Variants in ADAM12 observed in about 807,000 individuals in gnomAD.
ADAM12 encodes the protein ADAM metallopeptidase domain 12, also known as disintegrin and metalloproteinase domain-containing protein 12.
In ADAM12, 70 loss-of-function variants were observed where a neutral mutation model predicts 106.4. The ratio of observed to expected loss-of-function variants is 0.66; its 90% CI spans 0.54 to 0.80. The LOEUF (loss-of-function observed/expected upper bound fraction) is 0.80, where lower values mean the gene tolerates loss of function less well. Ranked by LOEUF, ADAM12 falls within the 30% of genes least tolerant of loss-of-function variation. The pLI, the probability that ADAM12 is intolerant of heterozygous loss-of-function variation, is 0.00. For synonymous variants in ADAM12, 420 were observed against 433.5 expected, an observed-to-expected ratio of 0.97 and a Z score of 0.39; for missense variants, 1,010 against 1,171.9, an observed-to-expected ratio of 0.86 and a Z score of 2.02.
Position 126,043,008 on chromosome 10 carries a change from T to G in ADAM12, c.2104+32A>C. ...CCCACCCGCCCCCAGGTGCTCAGCCTCCTCCCACCGGGATGCAGGGGCTTC... is the reference window on the plus strand; with the variant it reads ...CCCACCCGCCCCCAGGTGCTCAGCCGCCTCCCACCGGGATGCAGGGGCTTC... On this transcript the variant is annotated intron_variant, in intron 18 of 22. Transcript: ENST00000448723. This position sits in a 1 kb window ranked among gnomAD's most constrained non-coding sequence, Gnocchi z 4.1. The G allele has an allele frequency of 6.2e-7, 1 of 1,605,108 alleles. No individual in the cohort carries two copies. Among genetic ancestry groups the G allele is most frequent in the Non-Finnish European group, 8.5e-7 (1 of 1,174,596 alleles).
intron 10 of ADAM12, among the ~76,000 whole-genome samples, chr10:126,095,571 A>G (rs1282337752): frequency 6.7e-6 from 1 of 148,326 alleles, no homozygotes; most frequent in African/African-American, 2.5e-5. Context: ...TGATTGGGTC[A>G]TGGGGACTCT....
At chr10:126,365,338 A>G (rs956217190) in intron 1 of ADAM12, among the ~76,000 whole-genome samples, 3 of 152,222 alleles carry the variant, frequency 2.0e-5, no homozygotes, top group African/African-American at 7.2e-5. Flanking sequence ...AGAATATTTT[A>G]ACCTAGAAAA....
intron 12 of ADAM12, 48 bp downstream of exon 12, chr10:126,071,429 C>A (rs1590368971): frequency 1.3e-6 from 2 of 1,587,510 alleles, no homozygotes; most frequent in East Asian, 2.2e-5. Flanking sequence ...CTTTGCCTAG[C>A]CGAGGATACA....
At chr10:126,045,884 A>G (rs1954303908) in intron 17 of ADAM12, among the ~76,000 whole-genome samples, 171 bp downstream of exon 17, 1 of 152,258 alleles carries the variant, frequency 6.6e-6, no homozygotes, top group East Asian at 1.9e-4. Flanking sequence ...TTGTTAAATA[A>G]AAGTCACATG....
intron 11 of ADAM12, among the ~76,000 whole-genome samples, chr10:126,076,410 T>A (rs7894310): frequency 6.6e-6 from 1 of 152,234 alleles, no homozygotes; most frequent in South Asian, 2.1e-4. Context: ...TAGAATGAGT[T>A]ATTTTCTTTT....
chr10:126,349,575 T>C (rs1855276260), intron 1 of ADAM12, among the ~76,000 whole-genome samples: 1 of 152,196 alleles, frequency 6.6e-6, no homozygotes, highest in Non-Finnish European at 1.5e-5. Context: ...GCAGTTGTTA[T>C]AAAATAAGAG....
chr10:126,283,041 T>A (rs1959663097), intron 2 of ADAM12, among the ~76,000 whole-genome samples: 1 of 144,560 alleles, frequency 6.9e-6, no homozygotes, highest in African/African-American at 2.6e-5. Flanking sequence ...CATATGGGGG[T>A]GATGGAAGAC....
intron 3 of ADAM12, among the ~76,000 whole-genome samples, chr10:126,275,932 A>G (rs1224576412): frequency 6.6e-6 from 1 of 152,230 alleles, no homozygotes. Context: ...CATGTGTATA[A>G]TTTTAAAATA....
chr10:126,187,171 C>T (rs1957413859), intron 3 of ADAM12, among the ~76,000 whole-genome samples: 1 of 152,136 alleles, frequency 6.6e-6, no homozygotes, highest in Non-Finnish European at 1.5e-5. Flanking sequence ...GGAATTACTA[C>T]ATCAGTAAAA....
chr10:126,321,908 G>GC (rs1554866261), intron 2 of ADAM12, among the ~76,000 whole-genome samples: 5 of 143,644 alleles, frequency 3.5e-5, no homozygotes, highest in African/African-American at 7.5e-5. Context: ...TGGGGGTCGG[G>GC]GGGGGGGCTT....
intron 11 of ADAM12, among the ~76,000 whole-genome samples, chr10:126,082,702 G>T (rs1204147806): frequency 6.6e-6 from 1 of 152,106 alleles, no homozygotes; most frequent in African/African-American, 2.4e-5. Context: ...TAACTAGCTT[G>T]CTGAGCTTTT....
intron 3 of ADAM12, among the ~76,000 whole-genome samples, chr10:126,160,175 T>C (rs902002374): frequency 6.6e-6 from 1 of 152,178 alleles, no homozygotes; most frequent in African/African-American, 2.4e-5. Context: ...CAAAAATTCA[T>C]GCTCAGCATA....
At chr10:126,271,592 C>T (rs1326654180) in intron 3 of ADAM12, among the ~76,000 whole-genome samples, 4 of 152,166 alleles carry the variant, frequency 2.6e-5, no homozygotes, top group Admixed American at 6.5e-5. Flanking sequence ...TGGTGAAACC[C>T]GGTCTCTACA....
At chr10:126,148,754 C>T (rs1956675134) in intron 4 of ADAM12, among the ~76,000 whole-genome samples, 1 of 152,122 alleles carries the variant, frequency 6.6e-6, no homozygotes, top group Non-Finnish European at 1.5e-5. Flanking sequence ...AAAAAAGAGG[C>T]TTCTGGTATA....
rs566993771 is a variant in ADAM12, at chr10:126,071,464, G to A, written c.1323+13C>T. On this transcript the variant is annotated intron_variant, in intron 12 of 22. Coordinates refer to ENST00000448723, the MANE Select transcript of ADAM12 (RefSeq NM_001288973.2). ...AAGTCTTCTTGTATCCTTGTTCTGG[G>A]AATGGTTCTTACCTCTGGCTCCCCA... is the stretch of plus-strand genomic sequence containing the variant. 2,340 of 1,612,774 alleles carry A rather than the reference G, an allele frequency of 1.5e-3. 39 individuals carry two copies. The South Asian group carries it at 0.024, about 17-fold the overall frequency.
intron 11 of ADAM12, among the ~76,000 whole-genome samples, chr10:126,088,731 A>C (rs1955406213): frequency 6.6e-6 from 1 of 151,916 alleles, no homozygotes; most frequent in East Asian, 1.9e-4. Context: ...AAACAAAAAG[A>C]GAGAGAGAAG....
chr10:126,252,013 G>GACGGGATGGATAA (rs1434426513), intron 3 of ADAM12, among the ~76,000 whole-genome samples: 86 of 982 alleles, frequency 0.088, no homozygotes, highest in Admixed American at 0.15. Flanking sequence ...TGGATAAATG[G>GACGGGATGGATAA]ATGGATGGAT....
chr10:126,321,965 G>A (rs909410320), intron 2 of ADAM12, among the ~76,000 whole-genome samples: 3 of 151,908 alleles, frequency 2.0e-5, no homozygotes, highest in Non-Finnish European at 4.4e-5. Flanking sequence ...GGGCTGCTGG[G>A]GGCATCCAGC....
rs186073545 is a variant in ADAM12 at position 126,206,581 on chromosome 10, C to T, written c.261-51276G>A. On this transcript the variant is annotated intron_variant, in intron 3 of 22. Transcript: ENST00000448723. ...CACAACACATCTCACTCAAAAAGTA[C>T]ATCGTTTTCTATTACGGGATGTTTA... Among the ~76,000 whole-genome samples, 79 of 152,258 alleles carry T rather than the reference C, an allele frequency of 5.2e-4. 1 individual carries two copies. The highest frequency in any genetic ancestry group is 7.1e-4 in the Non-Finnish European group (48 of 68,022).
Sources: allele counts gnomAD v4.1 joint callset (sites outside exome capture counted in the v4.1 genomes callset), GRCh38; gene constraint gnomAD v4.1.1; non-coding constraint Gnocchi (gnomAD v3.1); transcripts MANE v1.5; gene names NCBI Gene and HGNC (gene_info 2026-07-23, HGNC 2026-07-21).